The following BBS9 variants were observed in gnomAD, a reference collection of about 807,000 sequenced individuals.
BBS9 encodes Bardet-Biedl syndrome 9.
Under a neutral mutation model 117.7 loss-of-function variants are expected in BBS9, and 89 were observed. That is an observed-to-expected ratio of 0.76 (90% CI 0.64 to 0.90). The LOEUF is 0.90. Among genes scored for constraint, BBS9 ranks in the 40% least tolerant of loss-of-function variants. The probability of loss-of-function intolerance (pLI) is 0.00; values close to 1 mark genes in which losing one functional copy is unlikely to be tolerated. For synonymous variants in BBS9, 379 were observed against 370.9 expected, an observed-to-expected ratio of 1.02 and a Z score of -0.25; for missense variants, 982 against 1,042.2, an observed-to-expected ratio of 0.94 and a Z score of 0.80.
At chr7:33,575,574 C>A (rs1203884082) in intron 21 of BBS9, among the ~76,000 whole-genome samples, 2 of 152,122 alleles carry the variant, frequency 1.3e-5, no homozygotes, top group African/African-American at 4.8e-5. Flanking sequence ...CAGTATCATC[C>A]TGATACCAAA....
At chr7:33,593,686 C>T (rs1862287915) in intron 21 of BBS9, among the ~76,000 whole-genome samples, 1 of 152,068 alleles carries the variant, frequency 6.6e-6, no homozygotes, top group South Asian at 2.1e-4. Context: ...TAGGGCCAGA[C>T]AGCAATTCAC....
intron 2 of BBS9, among the ~76,000 whole-genome samples, chr7:33,149,470 C>G (rs1339848575): frequency 6.6e-6 from 1 of 152,136 alleles, no homozygotes; most frequent in Non-Finnish European, 1.5e-5. Context: ...CTTGATAGTA[C>G]AATTGAAATT....
At chr7:33,532,067 C>T (rs946107847) in intron 20 of BBS9, among the ~76,000 whole-genome samples, 7 of 152,334 alleles carry the variant, frequency 4.6e-5, no homozygotes, top group South Asian at 2.1e-4. Context: ...ACAGCACCCA[C>T]GTCACAGGGT....
At chr7:33,449,377 T>C (rs1837447516) in intron 19 of BBS9, among the ~76,000 whole-genome samples, 1 of 152,168 alleles carries the variant, frequency 6.6e-6, no homozygotes, top group Admixed American at 6.5e-5. Context: ...ATGGACAGAT[T>C]TGTTTCCCAA....
chr7:33,303,688 T>G (rs1353348837), intron 9 of BBS9, among the ~76,000 whole-genome samples: 1 of 152,024 alleles, frequency 6.6e-6, no homozygotes, highest in Non-Finnish European at 1.5e-5. Context: ...TTTGTATTTT[T>G]GGTGGAGACG....
chr7:33,461,579 A>G (rs1839475265), intron 19 of BBS9, among the ~76,000 whole-genome samples: 1 of 151,950 alleles, frequency 6.6e-6, no homozygotes, highest in South Asian at 2.1e-4. Context: ...GCTCTAAGAC[A>G]ACTAGCTCTT....
At chr7:33,371,778 C>T (rs1345495244) in intron 17 of BBS9, among the ~76,000 whole-genome samples, 2 of 152,034 alleles carry the variant, frequency 1.3e-5, no homozygotes, top group Non-Finnish European at 2.9e-5. Context: ...GGGAAATAGG[C>T]ATTGTGGAAT....
Position 33,529,967 on chromosome 7 carries a change from G to A in BBS9, c.2299-3987G>A, listed in dbSNP as rs533024298. Among the ~76,000 whole-genome samples, 55 of 152,264 alleles carry A rather than the reference G, an allele frequency of 3.6e-4. 2 individuals carry two copies. In the South Asian group the frequency reaches 0.011, roughly 30 times the overall value. ...TTTAAGGGCTATGAATAAAGGTAAT[G>A]AGCTCAAATACCAAAAAGGTGTTTA... is the stretch of plus-strand genomic sequence containing the variant. On this transcript the variant is annotated intron_variant, in intron 20 of 22. Coordinates refer to ENST00000242067, the MANE Select transcript of BBS9 (RefSeq NM_198428.3).
Position 33,152,802 on chromosome 7 carries a change from G to A in BBS9, c.214G>A (p.Val72Met), listed in dbSNP as rs765240871. 2 of 1,613,836 alleles carry A rather than the reference G, an allele frequency of 1.2e-6. No individual in the cohort carries two copies. ...TCAAGCCGAAGATTTGCTTCTAGAA[G>A]TGGATCTACGAGATCCAGTACTTCA... ...GAQAEDLLLE[V>M]DLRDPVLQVE... Residue 72 changes from valine (V) to methionine (M), a missense_variant, in exon 3 of 23, where the codon GTG becomes ATG. Coordinates refer to ENST00000242067, the MANE Select transcript of BBS9 (RefSeq NM_198428.3).
chr7:33,196,874 C>G (rs911671194), intron 5 of BBS9, among the ~76,000 whole-genome samples: 1 of 152,074 alleles, frequency 6.6e-6, no homozygotes, highest in Non-Finnish European at 1.5e-5. Flanking sequence ...TAGTGATTTC[C>G]TGTATGTTAT....
intron 4 of BBS9, among the ~76,000 whole-genome samples, chr7:33,172,779 A>G (rs1796790353): frequency 1.3e-5 from 2 of 152,196 alleles, no homozygotes; most frequent in Admixed American, 1.3e-4. Context: ...TATATTCCAT[A>G]TGTACATAGC....
intron 5 of BBS9, among the ~76,000 whole-genome samples, chr7:33,240,796 C>T (rs184993780): frequency 5.9e-5 from 9 of 152,106 alleles, no homozygotes; most frequent in East Asian, 5.8e-4. Flanking sequence ...AAAAATTTTA[C>T]GTTTTACCTG....
At chr7:33,261,443 A>G (rs1797967759) in intron 6 of BBS9, among the ~76,000 whole-genome samples, 1 of 152,208 alleles carries the variant, frequency 6.6e-6, no homozygotes, top group Non-Finnish European at 1.5e-5. Context: ...GCATCTTTCA[A>G]TGAAAAGGAT....
chr7:33,207,079 A>G (rs1010180238), intron 5 of BBS9, among the ~76,000 whole-genome samples: 2 of 152,152 alleles, frequency 1.3e-5, no homozygotes, highest in African/African-American at 4.8e-5. Flanking sequence ...CTATATTATC[A>G]CATAGAAGCA....
chr7:33,590,026 T>A (rs192482262), intron 21 of BBS9, among the ~76,000 whole-genome samples: 346 of 152,208 alleles, frequency 2.3e-3, no homozygotes, highest in African/African-American at 8.0e-3. Context: ...TAGAATGTGG[T>A]ATCCTAGAAG....
chr7:33,296,406 C>T (rs1270013832), intron 9 of BBS9, among the ~76,000 whole-genome samples: 1 of 152,102 alleles, frequency 6.6e-6, no homozygotes, highest in African/African-American at 2.4e-5. Context: ...ATTGCTTTAA[C>T]ACCATTATTT....
At chr7:33,342,839 A>G (rs75224335) in intron 11 of BBS9, among the ~76,000 whole-genome samples, 4,334 of 152,240 alleles carry the variant, frequency 0.028, 201 homozygotes, top group African/African-American at 0.094. Flanking sequence ...TCTCTTCTAG[A>G]TCTGTGGATA....
At chr7:33,614,044 C>T (rs1865013246) in intron 21 of BBS9, among the ~76,000 whole-genome samples, 1 of 152,032 alleles carries the variant, frequency 6.6e-6, no homozygotes, top group South Asian at 2.1e-4. Flanking sequence ...TTATGATATG[C>T]TGAGCTGTCA....
intron 21 of BBS9, among the ~76,000 whole-genome samples, chr7:33,579,210 C>G (rs117369885): frequency 0.022 from 3,394 of 152,242 alleles, 68 homozygotes; most frequent in South Asian, 0.1. Context: ...TCATCCTGCC[C>G]TTCAGGGGCC....
Sources: gnomAD v4.1 joint callset for allele counts (sites outside exome capture counted in the v4.1 genomes callset) on GRCh38, gnomAD v4.1.1 for gene constraint, MANE v1.5 for transcripts, NCBI Gene and HGNC (gene_info 2026-07-23, HGNC 2026-07-21) for gene names.